Variants in CHRND observed in about 807,000 individuals in gnomAD.
The protein encoded by CHRND is cholinergic receptor nicotinic delta subunit, also known as acetylcholine receptor subunit delta.
A neutral mutation model predicts 57.8 loss-of-function variants in CHRND; 40 were observed. The observed-to-expected ratio is 0.69, with a 90% CI of 0.54 to 0.90. CHRND has a LOEUF of 0.90. CHRND is among the 40% of genes least tolerant of loss of function. The pLI is 0.00. For missense variants in CHRND, 634 were observed against 673.9 expected (o/e 0.94, Z 0.66); for synonymous variants, 237 against 270.6 (o/e 0.88, Z 1.22).
chr2:232,528,462 T>G, intron 4 of CHRND, 39 bp from the exon 5 acceptor site: 1 of 1,613,990 alleles, frequency 6.2e-7, no homozygotes, highest in East Asian at 2.2e-5. Flanking sequence ...CAGTCGTGAG[T>G]GGCCAGAGCT....
chr2:232,527,808 G>T (rs960481213), intron 3 of CHRND, among the ~76,000 whole-genome samples: 1 of 152,172 alleles, frequency 6.6e-6, no homozygotes, highest in African/African-American at 2.4e-5. Context: ...GCACCAGATT[G>T]CTTCTGCATG....
At chr2:232,531,692 T>C (rs761558090) in intron 9 of CHRND, 36 bp downstream of exon 9, 1 of 1,555,200 alleles carries the variant, frequency 6.4e-7, no homozygotes, top group Non-Finnish European at 8.8e-7. Flanking sequence ...CTCACCACTG[T>C]AATCCTGGCA....
At chr2:232,528,836 C>T in intron 5 of CHRND, 26 bp from the exon 6 acceptor site, 1 of 1,596,288 alleles carries the variant, frequency 6.3e-7, no homozygotes, top group Non-Finnish European at 8.6e-7. Flanking sequence ...GGCCGAGTGT[C>T]ACTCTCTGCC....
At position 232,528,248 on chromosome 2, in the gene CHRND, C is replaced by T; in HGVS notation, c.244-14C>T. 1 of 1,613,578 alleles carries T rather than the reference C, an allele frequency of 6.2e-7. No individual in the cohort carries two copies. Among genetic ancestry groups the T allele is most frequent in the Non-Finnish European group, 8.5e-7 (1 of 1,179,518 alleles). ...GCTGCAGAGTGCACTGGTGACATGC[C>T]TTTGGGATTCCAGGGCTGGACAGAC... On this transcript the variant is annotated splice_polypyrimidine_tract_variant and intron_variant, in intron 3 of 11. Coordinates refer to ENST00000258385, the MANE Select transcript of CHRND (RefSeq NM_000751.3).
At position 232,536,106 on chromosome 2, in the gene CHRND, C is replaced by A. The variant is rs1460337377; in HGVS notation, c.*794C>A. 1.3e-5 allele frequency: 6 copies of A among 454,024 alleles called. No individual in the cohort carries two copies. The Admixed American group carries it at 1.4e-4, about 11-fold the overall frequency. 28.1% of individuals were successfully genotyped at this position (454,024 alleles called of 1,614,324 possible). On this transcript the variant is annotated 3_prime_UTR_variant, in exon 12 of 12. Coordinates refer to ENST00000258385, the MANE Select transcript of CHRND (RefSeq NM_000751.3). ...TATTTTTATTTGCTAAATCTAGCAA[C>A]CCTATCCCAAAGGCAGCCTCCACTC...
Position 232,535,928 on chromosome 2 carries a change from C to T in CHRND, c.*616C>T. The T allele has an allele frequency of 2.2e-6, 1 of 454,122 alleles. No individual in the cohort carries two copies. The highest frequency in any genetic ancestry group is 1.6e-5 in the South Asian group (1 of 64,480). 28.1% of individuals were successfully genotyped at this position (454,122 alleles called of 1,614,324 possible). On this transcript the variant is annotated 3_prime_UTR_variant, in exon 12 of 12. Transcript: ENST00000258385. Reference sequence around the variant, plus strand: ...AAGACTTGGGGTCAGCCTGAGGTTGCACACACAATCCTAGAGGACCAGAAC... The same window carrying T: ...AAGACTTGGGGTCAGCCTGAGGTTGTACACACAATCCTAGAGGACCAGAAC...
intron 7 of CHRND, 68 bp downstream of exon 7, chr2:232,530,207 C>T: frequency 6.5e-7 from 1 of 1,531,006 alleles, no homozygotes; most frequent in African/African-American, 1.4e-5. Flanking sequence ...AGCCCCAGCC[C>T]TGCCCCCTCA....
chr2:232,535,419 A>G lies in CHRND; in HGVS notation c.*107A>G. The G allele has an allele frequency of 7.2e-7, 1 of 1,392,022 alleles. No individual in the cohort carries two copies. The highest frequency in any genetic ancestry group is 1.0e-6 in the Non-Finnish European group (1 of 1,000,386). 86.2% of individuals were successfully genotyped at this position (1,392,022 alleles called of 1,614,324 possible). ...AGGCTCGTGCCCCTCAGACTGGGGA[A>G]GAGTCCAAGGAAGGGAGGGAGCAGC... is the stretch of plus-strand genomic sequence containing the variant. On this transcript the variant is annotated 3_prime_UTR_variant, in exon 12 of 12. Transcript: ENST00000258385.
Position 232,531,573 on chromosome 2 carries a change from ATGGT to A in CHRND, c.967_970del (p.Val323TrpfsTer2), listed in dbSNP as rs2106211602. 6.2e-7 allele frequency: 1 copy of A among 1,613,984 alleles called. No individual in the cohort carries two copies. Among genetic ancestry groups the A allele is most frequent in the Non-Finnish European group, 8.5e-7 (1 of 1,180,002 alleles). ...GCTCTTCGGCATGGTGCTGGTCACC[ATGGT>A]TGTGGTGATCTGTGTCATCGTGCTC... is the stretch of plus-strand genomic sequence containing the variant. On this transcript the variant is annotated frameshift_variant, in exon 9 of 12. Coordinates refer to ENST00000258385, the MANE Select transcript of CHRND (RefSeq NM_000751.3). LOFTEE classifies it high-confidence loss of function.
chr2:232,535,006 G>C, intron 11 of CHRND, 124 bp from the exon 12 acceptor site: 1 of 1,120,948 alleles, frequency 8.9e-7, no homozygotes. Context: ...TATCCTGCAA[G>C]CCCGAGGCAG....
chr2:232,526,620 A>G lies in CHRND; in HGVS notation c.144A>G (p.Lys48=). ...YNKELRPVAH[K]EESVDVALAL... is the part of the protein sequence containing the mutation. Reference sequence around the variant, plus strand: ...AGGAGCTCCGGCCCGTGGCACACAAAGAGGAGAGTGTGGACGTTGCCCTGG... The same window carrying G: ...AGGAGCTCCGGCCCGTGGCACACAAGGAGGAGAGTGTGGACGTTGCCCTGG... Residue 48 remains lysine (K), a synonymous_variant, in exon 2 of 12, where the codon AAA becomes AAG. Coordinates refer to ENST00000258385, the MANE Select transcript of CHRND (RefSeq NM_000751.3). 6.2e-7 allele frequency: 1 copy of G among 1,613,734 alleles called. No homozygotes were observed. The highest frequency in any genetic ancestry group is 8.5e-7 in the Non-Finnish European group (1 of 1,179,968).
intron 9 of CHRND, among the ~76,000 whole-genome samples, chr2:232,531,971 A>G (rs1184068161): frequency 7.6e-5 from 11 of 145,634 alleles, no homozygotes; most frequent in East Asian, 4.1e-4. Context: ...AAAAAAAAAA[A>G]AAAGAAATGA....
chr2:232,529,944 G>A lies in CHRND; in HGVS notation c.625G>A (p.Gly209Arg), dbSNP rs766740341. The change falls in exon 7 of 12, where the codon GGG becomes AGG. Residue 209 changes from glycine to arginine, a missense_variant. Transcript: ENST00000258385. ...TGTCCATGTGCCGCCCTCAGAGAAC[G>A]GGGAGTGGGAGATAGTCCACCGGCC... ...IIDPEGFTEN[G>R]EWEIVHRPAR... 20 of 1,613,892 alleles carry A rather than the reference G, an allele frequency of 1.2e-5. No individual in the cohort carries two copies. Among genetic ancestry groups the A allele is most frequent in the Non-Finnish European group, 1.6e-5 (19 of 1,179,920 alleles).
chr2:232,533,912 C>T lies in CHRND; in HGVS notation c.1048-19C>T, dbSNP rs1691796334. 6.2e-7 allele frequency: 1 copy of T among 1,610,150 alleles called. No individual in the cohort carries two copies. The highest frequency in any genetic ancestry group is 1.3e-5 in the African/African-American group (1 of 74,872). On this transcript the variant is annotated intron_variant, in intron 9 of 11. Transcript: ENST00000258385. ...ACAAAAAACAACGCCTTTCTTGTGG[C>T]CCCTTGACATGGCCCCAGCTCTTCC...
chr2:232,528,548 A>G lies in CHRND; in HGVS notation c.401A>G (p.Tyr134Cys). ...TCCTACTCCTGCAACGTGCTTGTCT[A>G]CCACTACGGCTTCGTGTACTGGCTG... is the stretch of plus-strand genomic sequence containing the variant. ...QISYSCNVLV[Y>C]HYGFVYWLPP... The change falls in exon 5 of 12, where the codon TAC (tyrosine) becomes TGC (cysteine). Residue 134 changes from tyrosine (Y) to cysteine (C), a missense_variant. Transcript: ENST00000258385. 3 of 1,614,010 alleles carry G rather than the reference A, an allele frequency of 1.9e-6. No homozygotes were observed. Among genetic ancestry groups the G allele is most frequent in the South Asian group, 2.2e-5 (2 of 91,068 alleles).
At chr2:232,533,899 G>T (rs763545645) in intron 9 of CHRND, 32 bp from the exon 10 acceptor site, 6 of 1,603,986 alleles carry the variant, frequency 3.7e-6, no homozygotes, top group Non-Finnish European at 5.1e-6. Flanking sequence ...AAAAAACAAC[G>T]CCTTTCTTGT....
At position 232,526,208 on chromosome 2, in the gene CHRND, G is replaced by T. The variant is rs1160575119; in HGVS notation, c.-8G>T. 6 of 1,612,350 alleles carry T rather than the reference G, an allele frequency of 3.7e-6. No homozygotes were observed. The highest frequency in any genetic ancestry group is 4.2e-6 in the Non-Finnish European group (5 of 1,178,950). The stretch of plus-strand genomic sequence containing the variant: ...GGGGCAGATGCACGTCCCAGTCAGA[G>T]GGATGGGATGGAGGGGCCAGTGCTG... On this transcript the variant is annotated 5_prime_UTR_variant, in exon 1 of 12. It adds an upstream start codon to the 5' untranslated region. Coordinates refer to ENST00000258385, the MANE Select transcript of CHRND (RefSeq NM_000751.3).
Position 232,531,635 on chromosome 2 carries a change from G to A in CHRND, c.1026G>A (p.Val342=), listed in dbSNP as rs1574634359. The change falls in exon 9 of 12, where the codon GTG becomes GTA. Residue 342 remains valine, a synonymous_variant. Transcript: ENST00000258385. The part of the protein sequence containing the change: ...NIHFRTPSTH[V]LSEGVKKLFL... The stretch of plus-strand genomic sequence containing the variant: ...ACTTCCGAACACCCAGCACCCATGT[G>A]CTGTCTGAGGGGGTCAAGAAGGTGA... 1 of 1,613,542 alleles carries A rather than the reference G, an allele frequency of 6.2e-7. No homozygotes were observed. The highest frequency in any genetic ancestry group is 1.3e-5 in the African/African-American group (1 of 75,030).
chr2:232,533,998 G>T lies in CHRND; in HGVS notation c.1115G>T (p.Gly372Val). ...CCAGCAGAGGATGGACCCAGCCCTG[G>T]GGCCCTGGTGCGGAGGAGCAGCTCC... ...SRPAEDGPSPGALVRRSSSLG... is the reference protein window; with the variant it reads ...SRPAEDGPSPVALVRRSSSLG... The change falls in exon 10 of 12, where the codon GGG (glycine) becomes GTG (valine). Residue 372 changes from glycine to valine, a missense_variant. Gly to Val is a moderately radical substitution (Grantham distance 109). Coordinates refer to ENST00000258385, the MANE Select transcript of CHRND (RefSeq NM_000751.3). The T allele has an allele frequency of 6.2e-7, 1 of 1,613,932 alleles. No homozygotes were observed. Among genetic ancestry groups the T allele is most frequent in the Non-Finnish European group, 8.5e-7 (1 of 1,180,044 alleles).
Sources: allele counts gnomAD v4.1 joint callset (sites outside exome capture counted in the v4.1 genomes callset), GRCh38; gene constraint gnomAD v4.1.1; transcripts MANE v1.5; gene names NCBI Gene and HGNC (gene_info 2026-07-23, HGNC 2026-07-21).